DGKG: variants seen among roughly 807,000 people sequenced by gnomAD.
DGKG encodes the protein diacylglycerol kinase gamma.
A neutral mutation model predicts 105.3 loss-of-function variants in DGKG; 78 were observed. The ratio of observed to expected loss-of-function variants is 0.74; its 90% CI spans 0.62 to 0.89. DGKG has a LOEUF of 0.89. Among genes scored for constraint, DGKG ranks in the 40% least tolerant of loss-of-function variants. DGKG has a pLI of 0.00. For synonymous variants in DGKG, 346 were observed against 367.1 expected (o/e 0.94, Z 0.66); for missense variants, 958 against 1,020.1 (o/e 0.94, Z 0.83).
chr3:186,217,183 T>C (rs1719335298), intron 20 of DGKG, among the ~76,000 whole-genome samples: 1 of 152,240 alleles, frequency 6.6e-6, no homozygotes, highest in African/African-American at 2.4e-5. Context: ...GCCCATATTT[T>C]TTGAAGAAAA....
At chr3:186,315,459 CT>C (rs1359353001) in intron 2 of DGKG, among the ~76,000 whole-genome samples, 1 of 152,146 alleles carries the variant, frequency 6.6e-6, no homozygotes, top group African/African-American at 2.4e-5. Context: ...CCCTTACCAA[CT>C]CTCAAACAAG....
At chr3:186,262,015 C>A (rs1411767114) in intron 14 of DGKG, 2 of 435,040 alleles carry the variant, frequency 4.6e-6, no homozygotes, top group Non-Finnish European at 8.4e-6. Context: ...AGCGATGGGA[C>A]AATGATGCTG....
At chr3:186,207,593 T>A in intron 21 of DGKG, 2 of 507,150 alleles carry the variant, frequency 3.9e-6, no homozygotes, top group Non-Finnish European at 5.1e-6. Context: ...GGAGGTAGAC[T>A]AACCCCTATG....
In DGKG at chr3:186,223,011, C is replaced by CTATATATATATATATATA. The variant is rs55753193; in HGVS notation, c.1827-11144_1827-11127dup. On this transcript the variant is annotated intron_variant, in intron 20 of 24. Coordinates refer to ENST00000265022, the MANE Select transcript of DGKG (RefSeq NM_001346.3). The stretch of plus-strand genomic sequence containing the variant: ...AAGAATACACACACGTGTATGTATA[C>CTATATATATATATATATA]TATATATATATATATATATATATGT... 7.9e-3 allele frequency among the ~76,000 whole-genome samples: 635 copies of CTATATATATATATATATA among 80,380 alleles called. 28 individuals carry two copies. The highest frequency in any genetic ancestry group is 0.016 in the African/African-American group (432 of 26,806). 52.7% of individuals were successfully genotyped at this position (80,380 alleles called of 152,430 possible). A position where few individuals can be genotyped will look rare whatever the true frequency, so the allele number is the denominator to read the frequency against.
chr3:186,272,105 T>C lies in DGKG; in HGVS notation c.999+150A>G. On this transcript the variant is annotated intron_variant, in intron 11 of 24. Transcript: ENST00000265022. ...ACCAGGAAGGTGCTGAATGGATGGA[T>C]GGATGAACGGGATGGTTTACAGGTG... 4.8e-6 allele frequency: 3 copies of C among 626,840 alleles called. No individual in the cohort carries two copies. The South Asian group carries it at 5.6e-5, about 12-fold the overall frequency. The allele number at this position is 626,840 out of a possible 1,614,324, so 38.8% of individuals were successfully genotyped here. A position where few individuals can be genotyped will look rare whatever the true frequency, so the allele number is the denominator to read the frequency against.
intron 11 of DGKG, among the ~76,000 whole-genome samples, chr3:186,271,531 C>T (rs1722316734): frequency 6.6e-6 from 1 of 152,182 alleles, no homozygotes; most frequent in South Asian, 2.1e-4. Context: ...AGTTTCCCTC[C>T]CCTGATTTCT....
chr3:186,244,793 C>T (rs971111542), intron 19 of DGKG, among the ~76,000 whole-genome samples: 3 of 152,050 alleles, frequency 2.0e-5, no homozygotes, highest in African/African-American at 7.3e-5. Context: ...GTGCGGACCC[C>T]AGAGAGGCCT....
intron 1 of DGKG, among the ~76,000 whole-genome samples, chr3:186,346,604 G>A (rs926329113): frequency 6.6e-6 from 1 of 151,178 alleles, no homozygotes; most frequent in Non-Finnish European, 1.5e-5. Flanking sequence ...GATGTACACA[G>A]GTCTTAGACC....
chr3:186,356,370 A>C (rs1031480138), intron 1 of DGKG, among the ~76,000 whole-genome samples: 1 of 152,212 alleles, frequency 6.6e-6, no homozygotes, highest in Non-Finnish European at 1.5e-5. Flanking sequence ...TGAACTGAAC[A>C]AGATAAAATG....
At chr3:186,183,671 G>A (rs1235266045) in intron 22 of DGKG, among the ~76,000 whole-genome samples, 1 of 151,908 alleles carries the variant, frequency 6.6e-6, no homozygotes, top group Non-Finnish European at 1.5e-5. Flanking sequence ...AGTTTGGCAG[G>A]AGCTCTAGTC....
chr3:186,183,808 G>T (rs770897622), intron 22 of DGKG, among the ~76,000 whole-genome samples: 1 of 151,848 alleles, frequency 6.6e-6, no homozygotes, highest in Non-Finnish European at 1.5e-5. Flanking sequence ...AGGTTCAAGC[G>T]ATTGTCCTGC....
At chr3:186,282,168 G>A (rs1015020903) in intron 7 of DGKG, among the ~76,000 whole-genome samples, 12 of 152,328 alleles carry the variant, frequency 7.9e-5, no homozygotes, top group African/African-American at 2.6e-4. Context: ...AGGGAAGGAA[G>A]GAGTTGAGGA....
intron 14 of DGKG, among the ~76,000 whole-genome samples, chr3:186,264,217 C>T (rs1481432503): frequency 6.6e-6 from 1 of 152,162 alleles, no homozygotes; most frequent in Non-Finnish European, 1.5e-5. Context: ...AGAGCTTTCT[C>T]ACATATTAAG....
chr3:186,179,877 C>T (rs890937827), intron 22 of DGKG, among the ~76,000 whole-genome samples: 5 of 152,188 alleles, frequency 3.3e-5, no homozygotes, highest in African/African-American at 9.7e-5. Context: ...GCACAGCGCA[C>T]GCCAGCATCA....
chr3:186,324,646 TACA>T (rs1725248720), intron 1 of DGKG, among the ~76,000 whole-genome samples: 1 of 152,090 alleles, frequency 6.6e-6, no homozygotes. Context: ...AATCATCAGA[TACA>T]TGTACATCAA....
chr3:186,167,032 C>G (rs1716581106), intron 22 of DGKG, among the ~76,000 whole-genome samples: 1 of 152,166 alleles, frequency 6.6e-6, no homozygotes. Flanking sequence ...GTTGTTATCA[C>G]TTCCCACACA....
At chr3:186,164,131 G>A (rs2108479268) in intron 23 of DGKG, among the ~76,000 whole-genome samples, 1 of 152,266 alleles carries the variant, frequency 6.6e-6, no homozygotes, top group Admixed American at 6.5e-5. Context: ...GAGTTCTGTG[G>A]TCAAATACCT....
intron 22 of DGKG, among the ~76,000 whole-genome samples, chr3:186,179,488 T>C (rs1044383983): frequency 6.6e-6 from 1 of 152,238 alleles, no homozygotes; most frequent in East Asian, 1.9e-4. Context: ...GGTACTCACT[T>C]TCCTTATCCA....
In DGKG at chr3:186,147,244, G is replaced by A. The variant is rs1477026185; in HGVS notation, c.*2846C>T. ...TATTGCTGTTGGGGTAGAAGCATGG[G>A]GGGCAGGTGAGAACATGTTTGTAGC... On this transcript the variant is annotated 3_prime_UTR_variant, in exon 25 of 25. Coordinates refer to ENST00000265022, the MANE Select transcript of DGKG (RefSeq NM_001346.3). 4 of 985,786 alleles carry A rather than the reference G, an allele frequency of 4.1e-6. No individual in the cohort carries two copies. The highest frequency in any genetic ancestry group is 4.8e-6 in the Non-Finnish European group (4 of 830,032). The allele number at this position is 985,786 out of a possible 1,614,324, so 61.1% of individuals were successfully genotyped here. A position where few individuals can be genotyped will look rare whatever the true frequency, so the allele number is the denominator to read the frequency against.
Sources: allele counts gnomAD v4.1 joint callset (sites outside exome capture counted in the v4.1 genomes callset), GRCh38; gene constraint gnomAD v4.1.1; transcripts MANE v1.5; gene names NCBI Gene and HGNC (gene_info 2026-07-23, HGNC 2026-07-21).